The following HEG1 variants were observed in gnomAD, a reference collection of about 807,000 sequenced individuals.
HEG1 encodes protein HEG homolog 1.
HEG1 carries 56 observed loss-of-function variants against 125.6 expected under a neutral mutation model. That is an observed-to-expected ratio of 0.45 (90% CI 0.36 to 0.56). HEG1 has a LOEUF of 0.56. HEG1 is among the 20% of genes least tolerant of loss of function. The pLI is 0.00. For missense variants in HEG1, 1,523 were observed against 1,670.0 expected (o/e 0.91, Z 1.53); for synonymous variants, 644 against 668.5 (o/e 0.96, Z 0.57).
At chr3:125,050,545 T>C (rs1302710253) in intron 1 of HEG1, among the ~76,000 whole-genome samples, 1 of 152,178 alleles carries the variant, frequency 6.6e-6, no homozygotes, top group Admixed American at 6.5e-5. Context: ...CAGCCCCCAG[T>C]GGTCTCCACG....
chr3:124,976,468 T>C (rs1299992514), intron 15 of HEG1, among the ~76,000 whole-genome samples: 2 of 151,796 alleles, frequency 1.3e-5, no homozygotes, highest in African/African-American at 4.8e-5. Context: ...AATTACAGGC[T>C]GAGCCACTGT....
chr3:125,052,699 T>C (rs1159403997), intron 1 of HEG1, among the ~76,000 whole-genome samples: 2 of 152,180 alleles, frequency 1.3e-5, no homozygotes, highest in Non-Finnish European at 2.9e-5. Context: ...GGTCTCAGCA[T>C]CTTGTCACCA....
chr3:124,985,993 G>C (rs1936732082), intron 14 of HEG1, among the ~76,000 whole-genome samples: 1 of 152,186 alleles, frequency 6.6e-6, no homozygotes, highest in Non-Finnish European at 1.5e-5. Context: ...GGCCAGTCTG[G>C]TCTCGAACTC....
At chr3:125,049,259 T>A (rs529336707) in intron 1 of HEG1, among the ~76,000 whole-genome samples, 1 of 152,262 alleles carries the variant, frequency 6.6e-6, no homozygotes, top group South Asian at 2.1e-4. Flanking sequence ...ATATGTTAAC[T>A]TACATGGACC....
At chr3:124,970,875 G>T in intron 16 of HEG1, 74 bp from the exon 17 acceptor site, 1 of 1,242,340 alleles carries the variant, frequency 8.0e-7, no homozygotes, top group Non-Finnish European at 1.1e-6. Flanking sequence ...AAATCCCAAT[G>T]ATTTTAGACC....
chr3:125,053,392 T>G (rs1937857951), intron 1 of HEG1, among the ~76,000 whole-genome samples: 1 of 152,174 alleles, frequency 6.6e-6, no homozygotes, highest in African/African-American at 2.4e-5. Context: ...TGATACTGTT[T>G]GAGCCACTAC....
In HEG1 at chr3:124,970,754, C is replaced by T. The variant is rs186255239; in HGVS notation, c.4044G>A (p.Pro1348=). The T allele has an allele frequency of 1.6e-3, 2,546 of 1,610,542 alleles. 7 individuals carry two copies. The highest frequency in any genetic ancestry group is 1.8e-3 in the Non-Finnish European group (2,159 of 1,178,540). Residue 1348 remains proline, a synonymous_variant, in exon 17 of 17, where the codon CCG becomes CCA. Coordinates refer to ENST00000311127, the MANE Select transcript of HEG1 (RefSeq NM_020733.2). The part of the protein sequence containing the change: ...NPELERNGLY[P]AYTGLPGSRH... ...GTGATCCTGGCAGTCCAGTGTAGGC[C>T]GGGTAGAGTCCGTTTCGTTCAAGTT...
At chr3:125,052,696 GCATCTTGTCACCA>G (rs997226138) in intron 1 of HEG1, among the ~76,000 whole-genome samples, 1 of 152,216 alleles carries the variant, frequency 6.6e-6, no homozygotes, top group Non-Finnish European at 1.5e-5. Flanking sequence ...CTAGGTCTCA[GCATCTTGTCACCA>G]CTGGCTGAAA....
At chr3:124,970,890 T>A in intron 16 of HEG1, 89 bp from the exon 17 acceptor site, 1 of 1,114,482 alleles carries the variant, frequency 9.0e-7, no homozygotes, top group Non-Finnish European at 1.3e-6. Flanking sequence ...TAGACCAATG[T>A]AAGAAAAGAT....
chr3:124,999,983 A>G (rs1391381180), intron 11 of HEG1, among the ~76,000 whole-genome samples: 1 of 152,218 alleles, frequency 6.6e-6, no homozygotes, highest in East Asian at 1.9e-4. Context: ...AGAGTAGCCC[A>G]GCACTGCCCT....
At chr3:125,043,872 AG>A (rs1937622515) in intron 1 of HEG1, among the ~76,000 whole-genome samples, 1 of 150,784 alleles carries the variant, frequency 6.6e-6, no homozygotes. Context: ...GAGGAGGAAG[AG>A]GGGGGAGAGG....
chr3:124,993,732 C>T (rs1227063888), intron 12 of HEG1, among the ~76,000 whole-genome samples: 1 of 152,218 alleles, frequency 6.6e-6, no homozygotes, highest in East Asian at 1.9e-4. Flanking sequence ...CCCCACCCAA[C>T]ATTAGACTTC....
chr3:125,019,434 G>A lies in HEG1; in HGVS notation c.1416C>T (p.Ser472=). Residue 472 remains serine, a synonymous_variant, in exon 5 of 17, where the codon AGC becomes AGT. Coordinates refer to ENST00000311127, the MANE Select transcript of HEG1 (RefSeq NM_020733.2). ...TCACACCTTCAGGATATGAAGCAGA[G>A]CTTCCTGTCACATCTGCAGATGTTG... ...NSTTSADVTG[S]SASYPEGVNA... is the part of the protein sequence containing the mutation. The A allele has an allele frequency of 1.9e-6, 3 of 1,614,032 alleles. No individual in the cohort carries two copies. The South Asian group carries it at 3.3e-5, about 18-fold the overall frequency.
chr3:125,004,608 GCCT>G (rs1254553537), intron 9 of HEG1, among the ~76,000 whole-genome samples: 1 of 151,928 alleles, frequency 6.6e-6, no homozygotes, highest in African/African-American at 2.4e-5. Context: ...TCCCACCTCA[GCCT>G]CCTGAGTAGC....
chr3:125,004,822 AT>A (rs1162830639), intron 9 of HEG1, among the ~76,000 whole-genome samples: 1 of 152,214 alleles, frequency 6.6e-6, no homozygotes, highest in Non-Finnish European at 1.5e-5. Flanking sequence ...GGACATCAGG[AT>A]TAACTGCTGC....
chr3:125,041,170 C>T (rs975664624), intron 1 of HEG1, among the ~76,000 whole-genome samples: 12 of 152,244 alleles, frequency 7.9e-5, no homozygotes, highest in South Asian at 4.1e-4. Flanking sequence ...TGATTTCCGG[C>T]GTGTGGCAAG....
intron 1 of HEG1, among the ~76,000 whole-genome samples, chr3:125,032,503 T>C (rs990799635): frequency 6.6e-6 from 1 of 152,114 alleles, no homozygotes; most frequent in Non-Finnish European, 1.5e-5. Flanking sequence ...AGAAATGGGA[T>C]GTGGAAGGGC....
chr3:125,000,951 AG>A (rs1482819775), intron 11 of HEG1, among the ~76,000 whole-genome samples: 1 of 152,238 alleles, frequency 6.6e-6, no homozygotes, highest in Non-Finnish European at 1.5e-5. Context: ...TTTGCAAAGA[AG>A]TACTTTAGAT....
chr3:125,030,257 C>T (rs1302598686), intron 1 of HEG1, among the ~76,000 whole-genome samples: 1 of 152,092 alleles, frequency 6.6e-6, no homozygotes, highest in Non-Finnish European at 1.5e-5. Context: ...AGCTGTAATG[C>T]GCAATTCTGA....
Sources: gnomAD v4.1 joint callset for allele counts (sites outside exome capture counted in the v4.1 genomes callset) on GRCh38, gnomAD v4.1.1 for gene constraint, MANE v1.5 for transcripts, NCBI Gene and HGNC (gene_info 2026-07-23, HGNC 2026-07-21) for gene names.